Variants in CELF2 observed in about 807,000 individuals in gnomAD.
CELF2 encodes CUG triplet repeat RNA-binding protein 2.
In CELF2, 8 loss-of-function variants were observed where a neutral mutation model predicts 62.6. That is an observed-to-expected ratio of 0.13 (90% CI 0.07 to 0.23). The LOEUF (loss-of-function observed/expected upper bound fraction) is 0.23. Ranked by LOEUF, CELF2 falls within the 10% of genes least tolerant of loss-of-function variation. The probability of loss-of-function intolerance (pLI) is 1.00; values close to 1 mark genes in which losing one functional copy is unlikely to be tolerated. For synonymous variants in CELF2, 258 were observed against 250.0 expected, an observed-to-expected ratio of 1.03 and a Z score of -0.30; for missense variants, 333 against 671.0, an observed-to-expected ratio of 0.50 and a Z score of 5.56.
chr10:11,217,896 TTTTC>T lies in CELF2; in HGVS notation c.354+393_354+396del, dbSNP rs1375040296. The stretch of plus-strand genomic sequence containing the variant: ...CTCCTTTTCAAATTTTGTCTTTAGA[TTTTC>T]TTTTGAAAGGACAAAATGTACCCTT... On this transcript the variant is annotated intron_variant, in intron 3 of 12. Transcript: ENST00000633077. This position sits in a 1 kb window ranked among gnomAD's most constrained non-coding sequence, Gnocchi z 5.6. Among the ~76,000 whole-genome samples the T allele has an allele frequency of 1.3e-5, 2 of 152,236 alleles. No individual in the cohort carries two copies. Among genetic ancestry groups the T allele is most frequent in the Non-Finnish European group, 2.9e-5 (2 of 68,036 alleles).
intron 1 of CELF2, among the ~76,000 whole-genome samples, chr10:10,886,304 T>A (rs937899570): frequency 6.6e-6 from 1 of 152,182 alleles, no homozygotes; most frequent in African/African-American, 2.4e-5. Context: ...ACAAAGCTAT[T>A]TGGAGAAGAC....
Position 11,244,998 on chromosome 10 carries a change from A to G in CELF2, c.355-4155A>G, listed in dbSNP as rs980808536. Among the ~76,000 whole-genome samples, 1 of 152,086 alleles carries G rather than the reference A, an allele frequency of 6.6e-6. No homozygotes were observed. The highest frequency in any genetic ancestry group is 2.4e-5 in the African/African-American group (1 of 41,410). On this transcript the variant is annotated intron_variant, in intron 3 of 12. Coordinates refer to ENST00000633077, the MANE Select transcript of CELF2 (RefSeq NM_001326342.2). This position sits in a 1 kb window ranked among gnomAD's most constrained non-coding sequence, Gnocchi z 4.2. ...AATGCTTGCTGTATCTGTCTCTCCTACCACACTGCAAGCTCCATCACAATG... is the reference window on the plus strand; with the variant it reads ...AATGCTTGCTGTATCTGTCTCTCCTGCCACACTGCAAGCTCCATCACAATG...
chr10:10,651,151 C>T, the CELF2 span, among the ~76,000 whole-genome samples: 15 of 126,972 alleles, frequency 1.2e-4, no homozygotes, highest in Non-Finnish European at 2.3e-4. Flanking sequence ...CCGAATTTTG[C>T]GCTTTTCAGA....
chr10:10,724,888 A>G, the CELF2 span, among the ~76,000 whole-genome samples: 1 of 152,194 alleles, frequency 6.6e-6, no homozygotes, highest in Non-Finnish European at 1.5e-5. Context: ...GGATATTTAC[A>G]AGTGATGGCA....
chr10:10,770,142 G>A, the CELF2 span, among the ~76,000 whole-genome samples: 1 of 152,154 alleles, frequency 6.6e-6, no homozygotes, highest in Non-Finnish European at 1.5e-5. Context: ...TGGATGCGGT[G>A]CGATTAGCTG....
In CELF2 at chr10:11,311,897, G is replaced by T. The variant is rs2094579701; in HGVS notation, c.977-2242G>T. ...CAATATAAGAGCAGCTAATAACCAA[G>T]AACTTTTCAGAACTGATAAAAGGTA... On this transcript the variant is annotated intron_variant, in intron 9 of 12. Transcript: ENST00000633077. The surrounding 1 kb of genome is among the most constrained non-coding windows in gnomAD (Gnocchi z 4.7). Among the ~76,000 whole-genome samples the T allele has an allele frequency of 6.6e-6, 1 of 152,082 alleles. No individual in the cohort carries two copies. The highest frequency in any genetic ancestry group is 1.9e-4 in the East Asian group (1 of 5,196).
the CELF2 span, among the ~76,000 whole-genome samples, chr10:10,583,580 T>G: frequency 6.6e-6 from 1 of 152,188 alleles, no homozygotes; most frequent in African/African-American, 2.4e-5. Flanking sequence ...CCAGTAAAGC[T>G]TCAGACCAGG....
intron 8 of CELF2, 45 bp downstream of exon 8, chr10:11,275,165 G>C: frequency 6.3e-7 from 1 of 1,597,720 alleles, no homozygotes; most frequent in Non-Finnish European, 8.6e-7. Context: ...GCTATTGTCA[G>C]AATTTGGGGT....
intron 1 of CELF2, among the ~76,000 whole-genome samples, chr10:11,023,041 A>T (rs993362602): frequency 7.9e-5 from 12 of 152,212 alleles, no homozygotes; most frequent in African/African-American, 2.7e-4. Flanking sequence ...TTAATAGGTC[A>T]TTATTTCCAC....
the CELF2 span, among the ~76,000 whole-genome samples, chr10:10,529,100 A>C: frequency 1.1e-3 from 163 of 152,342 alleles, no homozygotes; most frequent in Non-Finnish European, 2.0e-3. Context: ...CATTAATGGC[A>C]ATTTAAATTA....
intron 5 of CELF2, among the ~76,000 whole-genome samples, chr10:11,262,940 C>CTTTTGTTTTTTTT (rs2081120617): frequency 1.9e-5 from 1 of 52,766 alleles, no homozygotes; most frequent in African/African-American, 6.9e-5. Flanking sequence ...AGTGGCTTTA[C>CTTTTGTTTTTTTT]TTTTTTTTTT....
At chr10:10,858,758 TA>T (rs879607922) in intron 1 of CELF2, among the ~76,000 whole-genome samples, 110 of 144,428 alleles carry the variant, frequency 7.6e-4, no homozygotes, top group East Asian at 7.9e-4. Context: ...ATGTATTTCC[TA>T]AAAAAAAAAA....
At chr10:10,608,921 G>A in the CELF2 span, among the ~76,000 whole-genome samples, 1 of 152,124 alleles carries the variant, frequency 6.6e-6, no homozygotes, top group Admixed American at 6.6e-5. Context: ...GCTTAGTATT[G>A]GAAAGTATAA....
the CELF2 span, among the ~76,000 whole-genome samples, chr10:10,471,203 T>G: frequency 4.6e-5 from 7 of 151,790 alleles, no homozygotes; most frequent in African/African-American, 1.7e-4. Context: ...ATAAAAAGAA[T>G]GAGTATTCCA....
chr10:10,673,378 A>C, the CELF2 span, among the ~76,000 whole-genome samples: 2 of 152,130 alleles, frequency 1.3e-5, no homozygotes, highest in African/African-American at 4.8e-5. Context: ...GATCTGAAGT[A>C]ATAAACCCTT....
the CELF2 span, among the ~76,000 whole-genome samples, chr10:10,725,521 A>T: frequency 6.6e-6 from 1 of 152,206 alleles, no homozygotes; most frequent in East Asian, 1.9e-4. Context: ...CTTCATTGTA[A>T]TACATTTCAA....
At chr10:10,575,416 G>A in the CELF2 span, among the ~76,000 whole-genome samples, 1 of 152,094 alleles carries the variant, frequency 6.6e-6, no homozygotes, top group Admixed American at 6.6e-5. Flanking sequence ...GCTCTATGTT[G>A]GACATTTATT....
At chr10:10,850,696 A>G (rs1374080811) in intron 1 of CELF2, among the ~76,000 whole-genome samples, 1 of 152,232 alleles carries the variant, frequency 6.6e-6, no homozygotes, top group Admixed American at 6.5e-5. Context: ...ATTCTTTTAA[A>G]TATTTTTATT....
the CELF2 span, among the ~76,000 whole-genome samples, chr10:10,658,799 A>G: frequency 1.3e-5 from 2 of 152,000 alleles, no homozygotes; most frequent in African/African-American, 2.4e-5. Flanking sequence ...GAATTTGATC[A>G]TTACAGTCTT....
Sources: gnomAD v4.1 joint callset for allele counts (sites outside exome capture counted in the v4.1 genomes callset) on GRCh38, gnomAD v4.1.1 for gene constraint, Gnocchi (gnomAD v3.1) non-coding constraint, MANE v1.5 for transcripts, NCBI Gene and HGNC (gene_info 2026-07-23, HGNC 2026-07-21) for gene names.